Variants in FARP1 observed in about 807,000 individuals in gnomAD.
The protein encoded by FARP1 is FERM, ARH/RhoGEF and pleckstrin domain protein 1, also known as FERM, ARHGEF and pleckstrin domain-containing protein 1.
Under a neutral mutation model 128.8 loss-of-function variants are expected in FARP1, and 52 were observed. The ratio of observed to expected loss-of-function variants is 0.40; its 90% CI spans 0.32 to 0.51. FARP1 has a LOEUF of 0.51. Among genes scored for constraint, FARP1 ranks in the 20% least tolerant of loss-of-function variants. The pLI is 0.45. For missense variants in FARP1, 1,333 were observed against 1,367.9 expected, an observed-to-expected ratio of 0.97 and a Z score of 0.40; for synonymous variants, 580 against 551.8, an observed-to-expected ratio of 1.05 and a Z score of -0.72.
In FARP1 at chr13:98,368,191, A is replaced by G; in HGVS notation, c.394A>G (p.Thr132Ala). 6.2e-7 allele frequency: 1 copy of G among 1,612,774 alleles called. No homozygotes were observed. The highest frequency in any genetic ancestry group is 8.5e-7 in the Non-Finnish European group (1 of 1,178,772). ...CCACACACAACTCCAAGAAGAACTC[A>G]CAAGGTTAGTGGTTTGGAAACTGTG... ...PDHTQLQEEL[T>A]RYLFALQVKQ... The change falls in exon 5 of 27, where the codon ACA becomes GCA. Residue 132 changes from threonine to alanine, a missense_variant. Transcript: ENST00000319562.
intron 2 of FARP1, among the ~76,000 whole-genome samples, chr13:98,221,514 G>C (rs974431471): frequency 1.3e-5 from 2 of 152,110 alleles, no homozygotes; most frequent in African/African-American, 4.8e-5. Flanking sequence ...AGCACCACTT[G>C]GACAATTGCC....
chr13:98,355,662 A>G (rs1888609503), intron 3 of FARP1, among the ~76,000 whole-genome samples: 1 of 152,200 alleles, frequency 6.6e-6, no homozygotes, highest in South Asian at 2.1e-4. Flanking sequence ...ATGATCTCCT[A>G]ATGGTGAAAA....
intron 2 of FARP1, among the ~76,000 whole-genome samples, chr13:98,240,552 C>T (rs866360340): frequency 6.6e-6 from 1 of 152,154 alleles, no homozygotes; most frequent in African/African-American, 2.4e-5. Context: ...GTACCAGATA[C>T]TTTGTTGGTG....
At chr13:98,207,321 G>C (rs1241925730) in intron 1 of FARP1, among the ~76,000 whole-genome samples, 3 of 152,120 alleles carry the variant, frequency 2.0e-5, no homozygotes, top group Non-Finnish European at 4.4e-5. Context: ...ATCTGTTAAT[G>C]ACTAACTCAA....
intron 25 of FARP1, 82 bp downstream of exon 25, chr13:98,446,287 G>A (rs1892830418): frequency 1.1e-6 from 1 of 871,212 alleles, no homozygotes; most frequent in African/African-American, 1.7e-5. Flanking sequence ...CCTCTGGAAT[G>A]ACTCAGGCCT....
At chr13:98,366,828 T>G (rs1003148575) in intron 4 of FARP1, among the ~76,000 whole-genome samples, 2 of 152,258 alleles carry the variant, frequency 1.3e-5, no homozygotes, top group African/African-American at 4.8e-5. Context: ...TTTAATGCCT[T>G]GTTTTTTTCT....
intron 3 of FARP1, among the ~76,000 whole-genome samples, chr13:98,360,026 TTG>T (rs1164552376): frequency 6.6e-6 from 1 of 151,908 alleles, no homozygotes; most frequent in Non-Finnish European, 1.5e-5. Flanking sequence ...CCCTCCAAAA[TTG>T]TGTGTGTTGA....
chr13:98,246,403 T>C (rs974287348), intron 2 of FARP1, among the ~76,000 whole-genome samples: 7 of 152,180 alleles, frequency 4.6e-5, no homozygotes, highest in Non-Finnish European at 7.3e-5. Context: ...CCGAGATAAA[T>C]TCTTAATTCT....
intron 1 of FARP1, among the ~76,000 whole-genome samples, chr13:98,169,025 GT>G (rs373014578): frequency 9.3e-4 from 141 of 150,918 alleles, no homozygotes; most frequent in African/African-American, 3.2e-3. Context: ...TTCAAAAACT[GT>G]TTTTTTTTGT....
chr13:98,277,820 C>T (rs1884730623), intron 2 of FARP1, among the ~76,000 whole-genome samples: 1 of 152,204 alleles, frequency 6.6e-6, no homozygotes, highest in South Asian at 2.1e-4. Flanking sequence ...TCTTGGAAAA[C>T]ATGGATGCTC....
At position 98,180,638 on chromosome 13, in the gene FARP1, C is replaced by T. The variant is rs541339848; in HGVS notation, c.-23-32582C>T. ...TTCTTCCAAGTTAGTTGAGATTTTT[C>T]AGCTCACTTTATTTCTTCTAAAATA... On this transcript the variant is annotated intron_variant, in intron 1 of 26. Transcript: ENST00000319562. Among the ~76,000 whole-genome samples, 3 of 152,302 alleles carry T rather than the reference C, an allele frequency of 2.0e-5. No individual in the cohort carries two copies. In the East Asian group the frequency reaches 5.8e-4, roughly 29 times the overall value.
chr13:98,409,386 A>AG lies in FARP1; in HGVS notation c.1469dup (p.Val491SerfsTer29). On this transcript the variant is annotated frameshift_variant, in exon 14 of 27. Coordinates refer to ENST00000319562, the MANE Select transcript of FARP1 (RefSeq NM_005766.4). LOFTEE classifies it high-confidence loss of function. The stretch of plus-strand genomic sequence containing the variant: ...CTTTCCGAGCTGTCTGTGAACTCGC[A>AG]GGGGGGAGTGGCCCCTGCCAACGTG... 6.2e-7 allele frequency: 1 copy of AG among 1,613,784 alleles called. No homozygotes were observed. Among genetic ancestry groups the AG allele is most frequent in the South Asian group, 1.1e-5 (1 of 91,052 alleles).
intron 6 of FARP1, among the ~76,000 whole-genome samples, chr13:98,380,927 AT>A (rs1290013505): frequency 6.6e-6 from 1 of 152,164 alleles, no homozygotes; most frequent in Non-Finnish European, 1.5e-5. Flanking sequence ...ATTAAAAAAA[AT>A]AAAGGTCTGT....
rs772081486 is a variant in FARP1, at chr13:98,438,838, C to G, written c.2309C>G (p.Ser770Trp). Residue 770 changes from serine to tryptophan, a missense_variant, in exon 20 of 27, where the codon TCG becomes TGG. By Grantham distance (177) the Ser-to-Trp change is radical. Around this residue, in one of 2 missense-constraint regions of FARP1, gnomAD observed 1,009 missense variants for 969.8 expected, o/e 1.04. Transcript: ENST00000319562. ...CGTCTGGGCAGCCTCAGCAAGCTCT[C>G]GGGGAAGGGGCTCCAGCAGCGCATG... ...FIRLGSLSKLSGKGLQQRMFF... is the reference protein window; with the variant it reads ...FIRLGSLSKLWGKGLQQRMFF... 1 of 1,613,296 alleles carries G rather than the reference C, an allele frequency of 6.2e-7. No homozygotes were observed. The highest frequency in any genetic ancestry group is 8.5e-7 in the Non-Finnish European group (1 of 1,179,966).
intron 17 of FARP1, among the ~76,000 whole-genome samples, chr13:98,428,453 C>CA (rs1891872473): frequency 6.6e-6 from 1 of 152,136 alleles, no homozygotes; most frequent in South Asian, 2.1e-4. Context: ...GCGACCAGGC[C>CA]AGCTTCCCAA....
intron 2 of FARP1, among the ~76,000 whole-genome samples, chr13:98,259,240 A>G (rs1249903807): frequency 6.6e-6 from 1 of 152,150 alleles, no homozygotes. Context: ...GTATATTTTT[A>G]TATTCTCTCT....
chr13:98,275,630 T>C lies in FARP1; in HGVS notation c.171+62217T>C, dbSNP rs868160560. 5.3e-3 allele frequency among the ~76,000 whole-genome samples: 363 copies of C among 68,008 alleles called. 4 individuals carry two copies. The highest frequency in any genetic ancestry group is 0.018 in the African/African-American group (271 of 15,440). 44.6% of individuals were successfully genotyped at this position (68,008 alleles called of 152,430 possible). ...CCCCACTTCTTTTCTCTTTCTCTCT[T>C]TTTTTTTTTTTTTTTTGCATCTCTG... On this transcript the variant is annotated intron_variant, in intron 2 of 26. Transcript: ENST00000319562.
rs58097403 is a variant in FARP1 at position 98,278,172 on chromosome 13, AGT to A, written c.171+64776_171+64777del. 7.7e-4 allele frequency among the ~76,000 whole-genome samples: 115 copies of A among 149,848 alleles called. No homozygotes were observed. The Middle Eastern group carries it at 0.021, about 27-fold the overall frequency. On this transcript the variant is annotated intron_variant, in intron 2 of 26. Coordinates refer to ENST00000319562, the MANE Select transcript of FARP1 (RefSeq NM_005766.4). ...TCCAGGGTGTGTGTATGAGTGAGTGAGTGTGTGTGTGTGTGTGTATGTTCTGT... is the reference window on the plus strand; with the variant it reads ...TCCAGGGTGTGTGTATGAGTGAGTGAGTGTGTGTGTGTGTGTATGTTCTGT...
intron 2 of FARP1, among the ~76,000 whole-genome samples, chr13:98,277,576 G>A (rs1489398124): frequency 6.6e-6 from 1 of 152,182 alleles, no homozygotes; most frequent in Non-Finnish European, 1.5e-5. Flanking sequence ...AGGTATGGGT[G>A]GTGGCGCTGG....
Sources: allele counts gnomAD v4.1 joint callset (sites outside exome capture counted in the v4.1 genomes callset), GRCh38; gene constraint gnomAD v4.1.1; regional missense constraint gnomAD v4.1.1; transcripts MANE v1.5; gene names NCBI Gene and HGNC (gene_info 2026-07-23, HGNC 2026-07-21).